The following STXBP2 variants were observed in gnomAD, a reference collection of about 807,000 sequenced individuals.
STXBP2 encodes syntaxin binding protein 2, also known as syntaxin-binding protein 2.
STXBP2 carries 47 observed loss-of-function variants against 72.2 expected under a neutral mutation model. The ratio of observed to expected loss-of-function variants is 0.65; its 90% CI spans 0.51 to 0.83. STXBP2 has a LOEUF of 0.83. STXBP2 is among the 40% of genes least tolerant of loss of function. The pLI is 0.00. For missense variants in STXBP2, 702 were observed against 807.6 expected (o/e 0.87, Z 1.58); for synonymous variants, 367 against 338.7 (o/e 1.08, Z -0.92).
upstream of STXBP2, chr19:7,636,717 G>C (rs1375711556): frequency 1.2e-5 from 2 of 170,338 alleles, no homozygotes; most frequent in Admixed American, 6.3e-5. Context: ...TGCTGCTGCT[G>C]CCTCTAAACC....
chr19:7,634,527 T>C (rs372538477), upstream of STXBP2, among the ~76,000 whole-genome samples: 5 of 152,280 alleles, frequency 3.3e-5, no homozygotes, highest in East Asian at 5.8e-4. Flanking sequence ...AACACATAAG[T>C]TGACTTTTGT....
rs2031573957 is a variant in STXBP2 at position 7,637,155 on chromosome 19, G to A, written c.6G>A (p.Ala2=). The A allele has an allele frequency of 1.6e-6, 2 of 1,241,630 alleles. No homozygotes were observed. The highest frequency in any genetic ancestry group is 1.6e-5 in the African/African-American group (1 of 64,436). 76.9% of individuals were successfully genotyped at this position (1,241,630 alleles called of 1,614,324 possible). The change falls in exon 1 of 19, where the codon GCG becomes GCA. Residue 2 remains alanine, a synonymous_variant. Coordinates refer to ENST00000221283, the MANE Select transcript of STXBP2 (RefSeq NM_006949.4). M[A]PSGLKAVVGE... is the part of the protein sequence containing the mutation. The stretch of plus-strand genomic sequence containing the variant: ...GGCGGCGCCCCTCGGGGAAGATGGC[G>A]CCCTCGGGGCTGAAGGCGGTGGTGG...
At chr19:7,631,318 C>T in the STXBP2 span, 1 of 1,403,514 alleles carries the variant, frequency 7.1e-7, no homozygotes, top group Non-Finnish European at 9.2e-7. Flanking sequence ...ACGCGGACCC[C>T]TTTGTAATTG....
chr19:7,630,992 T>G, the STXBP2 span: 8 of 1,078,520 alleles, frequency 7.4e-6, no homozygotes, highest in Non-Finnish European at 1.1e-5. Flanking sequence ...GTAGATCACT[T>G]GAGGTCAGGA....
upstream of STXBP2, chr19:7,633,108 G>T: frequency 9.3e-7 from 1 of 1,070,728 alleles, no homozygotes; most frequent in Non-Finnish European, 1.3e-6. Context: ...CGCCGTCCTA[G>T]ATTGGGGCCT....
In STXBP2 at chr19:7,642,566, C is replaced by A. The variant is rs373521948; in HGVS notation, c.902+30C>A. On this transcript the variant is annotated intron_variant, in intron 10 of 18. Transcript: ENST00000221283. This position sits in a 1 kb window ranked among gnomAD's most constrained non-coding sequence, Gnocchi z 6.0. ...GTGCACACGGGGACCGGATCCCCCCCCCACCGCCCACTGTGGGCCTGGTAG... is the reference window on the plus strand; with the variant it reads ...GTGCACACGGGGACCGGATCCCCCCACCACCGCCCACTGTGGGCCTGGTAG... 15 of 1,609,804 alleles carry A rather than the reference C, an allele frequency of 9.3e-6. No homozygotes were observed. Among genetic ancestry groups the A allele is most frequent in the Middle Eastern group, 1.7e-4 (1 of 6,016 alleles).
intron 3 of STXBP2, 47 bp from the exon 4 acceptor site, chr19:7,639,684 C>T (rs1322443400): frequency 6.3e-7 from 1 of 1,592,990 alleles, no homozygotes; most frequent in Non-Finnish European, 8.6e-7. Context: ...CCCACGTGGC[C>T]CTGCCTGGAT....
chr19:7,646,065 C>T lies in STXBP2; in HGVS notation c.1357-184C>T, dbSNP rs188450407. 18 of 608,876 alleles carry T rather than the reference C, an allele frequency of 3.0e-5. No homozygotes were observed. The Admixed American group carries it at 4.2e-4, about 14-fold the overall frequency. The allele number at this position is 608,876 out of a possible 1,614,324, so 37.7% of individuals were successfully genotyped here. ...TCTCCCTTTGGCTTTCTCTCTCCGT[C>T]TCTCTCTGGCTCACTGTTTCTCTCT... is the stretch of plus-strand genomic sequence containing the variant. On this transcript the variant is annotated intron_variant, in intron 15 of 18. Transcript: ENST00000221283.
intron 15 of STXBP2, 53 bp downstream of exon 15, chr19:7,645,359 C>T (rs1292838864): frequency 1.5e-5 from 22 of 1,515,840 alleles, no homozygotes; most frequent in East Asian, 1.2e-4. Context: ...GGATCACAGC[C>T]GGGGCTCTGC....
Position 7,642,129 on chromosome 19 carries a change from G to A in STXBP2, c.663+11G>A, listed in dbSNP as rs199892437. 118 of 1,614,034 alleles carry A rather than the reference G, an allele frequency of 7.3e-5. No individual in the cohort carries two copies. Among genetic ancestry groups the A allele is most frequent in the Admixed American group, 3.7e-4 (22 of 60,022 alleles). On this transcript the variant is annotated intron_variant, in intron 8 of 18. Coordinates refer to ENST00000221283, the MANE Select transcript of STXBP2 (RefSeq NM_006949.4). This position sits in a 1 kb window ranked among gnomAD's most constrained non-coding sequence, Gnocchi z 6.0. ...CCCAGTCTGGGCGAGGTGAGGGGGC[G>A]TGCTTGGGAGGTGAGGGGCAGCCCC...
intron 2 of STXBP2, 37 bp from the exon 3 acceptor site, chr19:7,638,982 C>T (rs2031680479): frequency 1.9e-6 from 3 of 1,612,982 alleles, no homozygotes; most frequent in Non-Finnish European, 2.5e-6. Flanking sequence ...GCCTCTTCCG[C>T]CTGCTCCTCC....
In STXBP2 at chr19:7,647,209, C is replaced by T. The variant is rs368696592; in HGVS notation, c.1500C>T (p.Ser500=). Residue 500 remains serine (S), a synonymous_variant, in exon 17 of 19, where the codon TCC becomes TCT. Transcript: ENST00000221283. ...RLDRNLWPFV[S]DPAPTASSQA... ...ACAGGAACCTGTGGCCCTTCGTATC[C>T]GACCCCGCCCCCACGGCCAGCTCCC... The T allele has an allele frequency of 9.9e-6, 16 of 1,611,800 alleles. No homozygotes were observed. The highest frequency in any genetic ancestry group is 5.3e-5 in the African/African-American group (4 of 74,916).
chr19:7,646,989 TC>T, intron 16 of STXBP2, 172 bp from the exon 17 acceptor site: 1 of 633,540 alleles, frequency 1.6e-6, no homozygotes, highest in Non-Finnish European at 2.7e-6. Flanking sequence ...GATCTAGATT[TC>T]TAGGTCCCCA....
intron 3 of STXBP2, chr19:7,639,449 T>C (rs1473826195): frequency 5.2e-6 from 3 of 572,276 alleles, no homozygotes; most frequent in Admixed American, 3.0e-5. Flanking sequence ...CCCCAGGTGG[T>C]GTCCCAGTCA....
At chr19:7,647,048 A>C (rs1020387095) in intron 16 of STXBP2, 114 bp from the exon 17 acceptor site, 3 of 1,056,546 alleles carry the variant, frequency 2.8e-6, no homozygotes, top group Non-Finnish European at 4.2e-6. Flanking sequence ...CAGGAGGTGG[A>C]GATGCTGGTT....
chr19:7,632,102 T>C, upstream of STXBP2: 1 of 566,174 alleles, frequency 1.8e-6, no homozygotes, highest in Non-Finnish European at 3.1e-6. This position sits in a 1 kb window ranked among gnomAD's most constrained non-coding sequence, Gnocchi z 5.2. Context: ...ACTTCCTCCC[T>C]GGGATACTTT....
the STXBP2 span, chr19:7,631,300 C>A: frequency 4.3e-6 from 6 of 1,408,992 alleles, no homozygotes; most frequent in South Asian, 9.6e-5. Context: ...AAGAGTGAAG[C>A]GGATCCCACG....
upstream of STXBP2, chr19:7,636,883 A>AGT (rs2031556083): frequency 5.2e-6 from 2 of 382,598 alleles, no homozygotes; most frequent in Non-Finnish European, 9.3e-6. Flanking sequence ...CAAGCCAGGA[A>AGT]GTGTGTGTCT....
upstream of STXBP2, chr19:7,637,022 C>A: frequency 1.9e-6 from 2 of 1,063,538 alleles, no homozygotes; most frequent in Non-Finnish European, 2.4e-6. Flanking sequence ...GAACCGACGG[C>A]GGGGAGGGGC....
Sources: allele counts gnomAD v4.1 joint callset (sites outside exome capture counted in the v4.1 genomes callset), GRCh38; gene constraint gnomAD v4.1.1; non-coding constraint Gnocchi (gnomAD v3.1); transcripts MANE v1.5; gene names NCBI Gene and HGNC (gene_info 2026-07-23, HGNC 2026-07-21).